CRACDL: variants seen among roughly 807,000 people sequenced by gnomAD.
CRACDL encodes CRACD-like protein.
CRACDL carries 26 observed loss-of-function variants against 70.6 expected under a neutral mutation model. The observed-to-expected ratio is 0.37, with a 90% CI of 0.27 to 0.51. CRACDL has a LOEUF of 0.51. Among genes scored for constraint, CRACDL ranks in the 20% least tolerant of loss-of-function variants. The pLI is 0.94. For synonymous variants in CRACDL, 618 were observed against 615.2 expected (o/e 1.00, Z -0.07); for missense variants, 1,283 against 1,376.9 (o/e 0.93, Z 1.08).
chr2:98,822,780 A>C lies in CRACDL; in HGVS notation c.1493T>G (p.Leu498Arg). 7.6e-7 allele frequency: 1 copy of C among 1,323,204 alleles called. No individual in the cohort carries two copies. Among genetic ancestry groups the C allele is most frequent in the Non-Finnish European group, 9.6e-7 (1 of 1,041,542 alleles). 82.0% of individuals were successfully genotyped at this position (1,323,204 alleles called of 1,614,324 possible). The change falls in exon 7 of 10, where the codon CTG becomes CGG. Residue 498 changes from leucine (L) to arginine (R), a missense_variant. This residue lies in a region of CRACDL where 921 missense variants were observed against 881.9 expected (regional missense o/e 1.04). Transcript: ENST00000397899. This position sits in a 1 kb window ranked among gnomAD's most constrained non-coding sequence, Gnocchi z 4.9. ...APSPPAPKSC[L>R]KHRPAAASEG... ...GCTGGCGGCCGCGGGCCGGTGTTTC[A>C]GGCAGCTCTTGGGCGCCGGCGGGCT...
intron 1 of CRACDL, among the ~76,000 whole-genome samples, chr2:98,904,719 CTA>C (rs1708361688): frequency 6.6e-6 from 1 of 152,186 alleles, no homozygotes; most frequent in African/African-American, 2.4e-5. Flanking sequence ...TATTGTGTCT[CTA>C]TGTTTATGAA....
At chr2:98,889,311 GA>G (rs1707895756) in intron 1 of CRACDL, among the ~76,000 whole-genome samples, 3 of 59,898 alleles carry the variant, frequency 5.0e-5, no homozygotes, top group African/African-American at 1.2e-4. Context: ...AAGAAAGAAA[GA>G]AAGAAAGAAA....
intron 1 of CRACDL, among the ~76,000 whole-genome samples, chr2:98,868,603 A>T (rs1449223490): frequency 6.6e-6 from 1 of 152,198 alleles, no homozygotes; most frequent in Admixed American, 6.5e-5. Context: ...GCTCAGGCAG[A>T]GCGTCTCCCA....
At position 98,858,469 on chromosome 2, in the gene CRACDL, C is replaced by T. The variant is rs145474373; in HGVS notation, c.-10-11659G>A. ...GGTGGAAGTTGCAGTAAGCCCAGAT[C>T]GCACCACTGCACTCCAGCCTGGGTG... On this transcript the variant is annotated intron_variant, in intron 1 of 9. Coordinates refer to ENST00000397899, the MANE Select transcript of CRACDL (RefSeq NM_207362.3). Among the ~76,000 whole-genome samples the T allele has an allele frequency of 9.6e-4, 141 of 146,270 alleles. 4 individuals are homozygous for T. In the East Asian group the frequency reaches 0.018, roughly 18 times the overall value.
chr2:98,920,736 G>T (rs1394043390), intron 1 of CRACDL, among the ~76,000 whole-genome samples: 1 of 152,180 alleles, frequency 6.6e-6, no homozygotes, highest in African/African-American at 2.4e-5. Context: ...CCCACTGGAA[G>T]TCCATCTTGC....
At chr2:98,838,034 G>C in intron 3 of CRACDL, 85 bp downstream of exon 3, 4 of 1,206,390 alleles carry the variant, frequency 3.3e-6, no homozygotes, top group Non-Finnish European at 3.5e-6. Flanking sequence ...GGAGGAAAGG[G>C]GGCTCAGAAA....
chr2:98,890,329 C>G (rs916881704), intron 1 of CRACDL, among the ~76,000 whole-genome samples: 1 of 152,054 alleles, frequency 6.6e-6, no homozygotes, highest in African/African-American at 2.4e-5. Flanking sequence ...GACATCACTA[C>G]CAACATTACA....
intron 1 of CRACDL, among the ~76,000 whole-genome samples, chr2:98,879,690 T>G (rs1160265418): frequency 6.6e-6 from 1 of 152,146 alleles, no homozygotes; most frequent in African/African-American, 2.4e-5. Context: ...CTGTCCCAGG[T>G]GCACACTGCC....
intron 2 of CRACDL, among the ~76,000 whole-genome samples, chr2:98,841,910 G>A (rs1281239220): frequency 6.6e-6 from 1 of 152,072 alleles, no homozygotes; most frequent in African/African-American, 2.4e-5. Context: ...CTATTGTGTT[G>A]AGAAGTTAGG....
rs548988640 is a variant in CRACDL, at chr2:98,891,376, C to CAAAAAAAAA, written c.-11+44553_-11+44561dup. 1.9e-3 allele frequency among the ~76,000 whole-genome samples: 71 copies of CAAAAAAAAA among 37,900 alleles called. 6 individuals are homozygous for CAAAAAAAAA. The highest frequency in any genetic ancestry group is 3.7e-3 in the African/African-American group (34 of 9,234). 24.9% of individuals were successfully genotyped at this position (37,900 alleles called of 152,430 possible). A position where few individuals can be genotyped will look rare whatever the true frequency, so the allele number is the denominator to read the frequency against. ...TGGGTGACAGAGGGAGACTCCGTCT[C>CAAAAAAAAA]AAAAAAAAAAAAAAAAAAAAAAAAA... On this transcript the variant is annotated intron_variant, in intron 1 of 9. Coordinates refer to ENST00000397899, the MANE Select transcript of CRACDL (RefSeq NM_207362.3).
chr2:98,874,448 C>T (rs1707428990), intron 1 of CRACDL, among the ~76,000 whole-genome samples: 1 of 152,242 alleles, frequency 6.6e-6, no homozygotes, highest in Admixed American at 6.5e-5. Flanking sequence ...AGTCAGGAGG[C>T]TCCGCACGGG....
At chr2:98,856,645 T>C (rs2104561759) in intron 1 of CRACDL, among the ~76,000 whole-genome samples, 1 of 152,336 alleles carries the variant, frequency 6.6e-6, no homozygotes, top group African/African-American at 2.4e-5. Context: ...AATTGCATTG[T>C]TGGGACTATA....
intron 1 of CRACDL, among the ~76,000 whole-genome samples, chr2:98,902,430 G>A (rs183026704): frequency 2.6e-5 from 4 of 152,252 alleles, no homozygotes; most frequent in East Asian, 1.9e-4. Flanking sequence ...CTCCAGCCAC[G>A]CCAGCAAATG....
intron 1 of CRACDL, among the ~76,000 whole-genome samples, chr2:98,875,255 G>A (rs1380220103): frequency 6.6e-6 from 1 of 152,226 alleles, no homozygotes; most frequent in African/African-American, 2.4e-5. Flanking sequence ...ACATGAAGAC[G>A]CAGCTCAGAG....
chr2:98,794,949 A>C (rs1703734713), intron 9 of CRACDL, among the ~76,000 whole-genome samples: 1 of 150,880 alleles, frequency 6.6e-6, no homozygotes, highest in African/African-American at 2.4e-5. Flanking sequence ...GGGCTGCAGC[A>C]ATGTCCCTCA....
At chr2:98,886,086 C>A (rs1383737034) in intron 1 of CRACDL, among the ~76,000 whole-genome samples, 2 of 152,214 alleles carry the variant, frequency 1.3e-5, no homozygotes, top group Non-Finnish European at 2.9e-5. Context: ...TCCATGGCAG[C>A]CTTGACAACC....
chr2:98,845,342 G>A (rs1706213899), intron 2 of CRACDL, among the ~76,000 whole-genome samples: 1 of 151,856 alleles, frequency 6.6e-6, no homozygotes, highest in Non-Finnish European at 1.5e-5. Context: ...GACTACAGGT[G>A]TGTGCCACCA....
intron 1 of CRACDL, among the ~76,000 whole-genome samples, chr2:98,925,351 T>C (rs144175254): frequency 7.9e-4 from 121 of 152,304 alleles, no homozygotes; most frequent in Middle Eastern, 3.4e-3. Context: ...CTGACACTGT[T>C]TCCAAGTTCT....
intron 1 of CRACDL, among the ~76,000 whole-genome samples, chr2:98,926,089 T>C (rs1369208444): frequency 1.3e-5 from 2 of 152,180 alleles, no homozygotes; most frequent in Non-Finnish European, 2.9e-5. Context: ...AAATAATTAT[T>C]ACAATTTACT....
Sources: allele counts gnomAD v4.1 joint callset (sites outside exome capture counted in the v4.1 genomes callset), GRCh38; gene constraint gnomAD v4.1.1; regional missense constraint gnomAD v4.1.1; non-coding constraint Gnocchi (gnomAD v3.1); transcripts MANE v1.5; gene names NCBI Gene and HGNC (gene_info 2026-07-23, HGNC 2026-07-21).